ITFG1: variants seen among roughly 807,000 people sequenced by gnomAD.
ITFG1 encodes the protein integrin alpha FG-GAP repeat containing 1, also known as T-cell immunomodulatory protein.
A neutral mutation model predicts 81.8 loss-of-function variants in ITFG1; 34 were observed. The ratio of observed to expected loss-of-function variants is 0.42; its 90% CI spans 0.32 to 0.55. ITFG1 has a LOEUF of 0.55. Among genes scored for constraint, ITFG1 ranks in the 20% least tolerant of loss-of-function variants. The pLI is 0.17. For missense variants in ITFG1, 672 were observed against 755.4 expected, an observed-to-expected ratio of 0.89 and a Z score of 1.29; for synonymous variants, 285 against 270.6, an observed-to-expected ratio of 1.05 and a Z score of -0.52.
chr16:47,225,889 G>A (rs538483898), intron 13 of ITFG1, among the ~76,000 whole-genome samples: 6 of 151,818 alleles, frequency 4.0e-5, no homozygotes, highest in East Asian at 1.9e-4. Context: ...AGTATTCTGC[G>A]AAGACGAAGT....
chr16:47,327,049 G>A (rs1348427441), intron 8 of ITFG1, among the ~76,000 whole-genome samples: 2 of 152,158 alleles, frequency 1.3e-5, no homozygotes, highest in Admixed American at 6.5e-5. Flanking sequence ...AAAGGTGGAG[G>A]CATCACGCTA....
chr16:47,445,835 T>A (rs552947905), intron 5 of ITFG1, among the ~76,000 whole-genome samples: 1 of 152,150 alleles, frequency 6.6e-6, no homozygotes, highest in South Asian at 2.1e-4. Flanking sequence ...GTGGAGGCCA[T>A]ATGAAGGAGC....
At chr16:47,387,240 T>A (rs1358543407) in intron 6 of ITFG1, among the ~76,000 whole-genome samples, 1 of 152,066 alleles carries the variant, frequency 6.6e-6, no homozygotes, top group Non-Finnish European at 1.5e-5. Context: ...AGGAGCAACA[T>A]CAAAGGCTTC....
intron 11 of ITFG1, 132 bp downstream of exon 11, chr16:47,260,413 G>A (rs902774354): frequency 1.3e-4 from 119 of 887,278 alleles, no homozygotes; most frequent in Middle Eastern, 3.1e-4. Context: ...AACATTAAAA[G>A]GGGCTTTCCT....
intron 10 of ITFG1, among the ~76,000 whole-genome samples, chr16:47,293,913 T>C (rs1966947398): frequency 6.6e-6 from 1 of 152,150 alleles, no homozygotes; most frequent in South Asian, 2.1e-4. Context: ...GATTATGCTT[T>C]TGAGGCCTTA....
intron 6 of ITFG1, among the ~76,000 whole-genome samples, chr16:47,404,119 C>A (rs548180976): frequency 6.6e-6 from 1 of 152,118 alleles, no homozygotes; most frequent in Non-Finnish European, 1.5e-5. Context: ...CTATCAAGAA[C>A]CATTCTCTGG....
intron 10 of ITFG1, among the ~76,000 whole-genome samples, chr16:47,280,680 A>G (rs1966441944): frequency 1.3e-5 from 2 of 152,128 alleles, no homozygotes; most frequent in African/African-American, 4.8e-5. Context: ...GCCCTTAGAT[A>G]GCTTCAGGAT....
chr16:47,365,991 A>C, intron 7 of ITFG1, 122 bp from the exon 8 acceptor site: 1 of 558,128 alleles, frequency 1.8e-6, no homozygotes. Flanking sequence ...GTATTGCACA[A>C]AAATTATTCC....
At chr16:47,172,757 C>T (rs1194807665) in intron 14 of ITFG1, among the ~76,000 whole-genome samples, 1 of 152,132 alleles carries the variant, frequency 6.6e-6, no homozygotes, top group Non-Finnish European at 1.5e-5. Flanking sequence ...CCAACTTTTG[C>T]CTGAATTATT....
At chr16:47,412,660 C>T (rs865822876) in intron 6 of ITFG1, among the ~76,000 whole-genome samples, 5 of 147,704 alleles carry the variant, frequency 3.4e-5, no homozygotes, top group African/African-American at 5.0e-5. Context: ...TGCGCCACTG[C>T]ACTCCCTCCT....
rs557278624 is a variant in ITFG1, at chr16:47,217,662, C to T, written c.1453+1206G>A. Among the ~76,000 whole-genome samples, 21 of 152,308 alleles carry T rather than the reference C, an allele frequency of 1.4e-4. No homozygotes were observed. In the East Asian group the frequency reaches 2.3e-3, roughly 17 times the overall value. On this transcript the variant is annotated intron_variant, in intron 14 of 17. Transcript: ENST00000320640. ...AATTGTGGCCAGGTGCAGTGGCTCA[C>T]GCCTGTAATCCCAGCACTTTGGGAG...
intron 14 of ITFG1, among the ~76,000 whole-genome samples, chr16:47,180,616 C>T (rs552993135): frequency 6.6e-5 from 10 of 152,172 alleles, no homozygotes; most frequent in Middle Eastern, 3.2e-3. Flanking sequence ...AGCTCCTAAC[C>T]GTGAGTGATC....
chr16:47,370,455 C>T (rs1250813845), intron 7 of ITFG1, among the ~76,000 whole-genome samples: 1 of 152,210 alleles, frequency 6.6e-6, no homozygotes, highest in East Asian at 1.9e-4. Flanking sequence ...GTCCCCTGTC[C>T]ACTGAGAGCT....
At chr16:47,448,604 A>AC (rs1969350219) in intron 5 of ITFG1, 1 of 128,210 alleles carries the variant, frequency 7.8e-6, no homozygotes, top group African/African-American at 3.0e-5. Flanking sequence ...GAGTCAGAAA[A>AC]TTTTTTTTTT....
intron 7 of ITFG1, 147 bp from the exon 8 acceptor site, chr16:47,366,016 C>T: frequency 1.9e-6 from 1 of 528,664 alleles, no homozygotes; most frequent in South Asian, 3.6e-5. Context: ...TCCTGTTTCA[C>T]TTTTATTTTG....
intron 10 of ITFG1, among the ~76,000 whole-genome samples, chr16:47,277,847 G>A (rs954977957): frequency 6.6e-6 from 1 of 152,178 alleles, no homozygotes; most frequent in African/African-American, 2.4e-5. Flanking sequence ...GGAGATGGCT[G>A]TGTGTGATAT....
intron 14 of ITFG1, among the ~76,000 whole-genome samples, chr16:47,211,376 A>G (rs555675334): frequency 1.4e-4 from 22 of 152,218 alleles, no homozygotes; most frequent in Non-Finnish European, 3.2e-4. Flanking sequence ...GTATCCTGCA[A>G]CCTTGCTGAA....
chr16:47,320,551 A>G (rs886083191), intron 8 of ITFG1, among the ~76,000 whole-genome samples: 1 of 152,228 alleles, frequency 6.6e-6, no homozygotes, highest in African/African-American at 2.4e-5. Context: ...ACTGAATGAT[A>G]TATACTTTTC....
chr16:47,395,052 T>C (rs1192912056), intron 6 of ITFG1, among the ~76,000 whole-genome samples: 1 of 152,190 alleles, frequency 6.6e-6, no homozygotes, highest in Non-Finnish European at 1.5e-5. Context: ...GTGAACATCT[T>C]GGACAAAACA....
Sources: allele counts gnomAD v4.1 joint callset (sites outside exome capture counted in the v4.1 genomes callset), GRCh38; gene constraint gnomAD v4.1.1; transcripts MANE v1.5; gene names NCBI Gene and HGNC (gene_info 2026-07-23, HGNC 2026-07-21).